Variants in AK2 observed in about 807,000 individuals in gnomAD.
AK2 encodes adenylate kinase 2, mitochondrial.
In AK2, 15 loss-of-function variants were observed where a neutral mutation model predicts 24.6. The observed-to-expected ratio is 0.61, with a 90% CI of 0.41 to 0.94. AK2 has a LOEUF of 0.94. Ranked by LOEUF, AK2 falls within the 40% of genes least tolerant of loss-of-function variation. AK2 has a pLI of 0.00. For missense variants in AK2, 257 were observed against 304.1 expected (o/e 0.85, Z 1.15); for synonymous variants, 102 against 114.0 (o/e 0.90, Z 0.67).
intron 4 of AK2, among the ~76,000 whole-genome samples, chr1:33,016,120 C>A (rs896783429): frequency 6.6e-6 from 1 of 152,132 alleles, no homozygotes; most frequent in African/African-American, 2.4e-5. Flanking sequence ...GGAGCCCCCT[C>A]TGTGGATACC....
At position 33,010,908 on chromosome 1, in the gene AK2, G is replaced by C. The variant is rs1638783533; in HGVS notation, c.*2273C>G. ...AGTACATATCAGAGGAGGCTGGCAT[G>C]TAAGCCCCAGCAACCAAATGCATTA... is the stretch of plus-strand genomic sequence containing the variant. On this transcript the variant is annotated 3_prime_UTR_variant, in exon 6 of 6. Transcript: ENST00000672715. 2 of 1,605,746 alleles carry C rather than the reference G, an allele frequency of 1.2e-6. No individual in the cohort carries two copies. Among genetic ancestry groups the C allele is most frequent in the Non-Finnish European group, 1.7e-6 (2 of 1,176,000 alleles).
chr1:33,017,479 AT>A (rs1216388499), intron 4 of AK2, among the ~76,000 whole-genome samples: 3 of 152,130 alleles, frequency 2.0e-5, no homozygotes, highest in Non-Finnish European at 4.4e-5. Flanking sequence ...GGACCAGGAT[AT>A]TTTTTTACCT....
At chr1:33,023,913 G>A (rs145354090) in intron 2 of AK2, among the ~76,000 whole-genome samples, 2,170 of 152,312 alleles carry the variant, frequency 0.014, 63 homozygotes, top group African/African-American at 0.048. Context: ...GCTCACGCCT[G>A]TAATCCCAGC....
chr1:33,016,630 T>G (rs1295137360), intron 4 of AK2, among the ~76,000 whole-genome samples: 1 of 152,078 alleles, frequency 6.6e-6, no homozygotes, highest in South Asian at 2.1e-4. Context: ...CCCGCCTCAG[T>G]CTCTGGAGTA....
rs1044535145 is a variant in AK2 at position 33,011,306 on chromosome 1, G to A, written c.*1875C>T. ...CAGGCACACATAGCTGACAGTTTTT[G>A]TTTCACTCCTCTTCCTTGCCCATTC... is the stretch of plus-strand genomic sequence containing the variant. On this transcript the variant is annotated 3_prime_UTR_variant, in exon 6 of 6. Coordinates refer to ENST00000672715, the MANE Select transcript of AK2 (RefSeq NM_001625.4). 1.6e-6 allele frequency: 2 copies of A among 1,289,972 alleles called. No individual in the cohort carries two copies. Among genetic ancestry groups the A allele is most frequent in the African/African-American group, 3.0e-5 (2 of 65,928 alleles). 79.9% of individuals were successfully genotyped at this position (1,289,972 alleles called of 1,614,324 possible). A position where few individuals can be genotyped will look rare whatever the true frequency, so the allele number is the denominator to read the frequency against.
At chr1:33,023,374 G>A (rs1430140591) in intron 2 of AK2, among the ~76,000 whole-genome samples, 1 of 151,804 alleles carries the variant, frequency 6.6e-6, no homozygotes, top group East Asian at 1.9e-4. Context: ...CAAAACCAGT[G>A]TGGGCAACAC....
At position 33,036,778 on chromosome 1, in the gene AK2, C is replaced by G; in HGVS notation, c.51G>C (p.Arg17=). 1 of 1,599,996 alleles carries G rather than the reference C, an allele frequency of 6.3e-7. No individual in the cohort carries two copies. Among genetic ancestry groups the G allele is most frequent in the Non-Finnish European group, 8.5e-7 (1 of 1,173,798 alleles). The change falls in exon 1 of 6, where the codon CGG becomes CGC. Residue 17 remains arginine (R), a synonymous_variant. Coordinates refer to ENST00000672715, the MANE Select transcript of AK2 (RefSeq NM_001625.4). ...CCCCGGGAGGCCCCAGCAGCACGGC[C>G]CGGATGCCTTTAGGATACTCGGGTT... The part of the protein sequence containing the change: ...AAEPEYPKGI[R]AVLLGPPGAG...
intron 1 of AK2, among the ~76,000 whole-genome samples, chr1:33,035,943 A>C (rs939989642): frequency 2.6e-5 from 4 of 152,226 alleles, no homozygotes; most frequent in African/African-American, 9.7e-5. Context: ...AAGGGAAGGA[A>C]GATACAAACA....
Position 33,012,804 on chromosome 1 carries a change from G to T in AK2, c.*377C>A. On this transcript the variant is annotated 3_prime_UTR_variant, in exon 6 of 6. Coordinates refer to ENST00000672715, the MANE Select transcript of AK2 (RefSeq NM_001625.4). Reference sequence around the variant, plus strand: ...CCCAGCTGCTCAGGAGGCTGAGGTGGGATAATTGCTTGAGCCCCAGGAGGC... The same window carrying T: ...CCCAGCTGCTCAGGAGGCTGAGGTGTGATAATTGCTTGAGCCCCAGGAGGC... 1 of 1,060,540 alleles carries T rather than the reference G, an allele frequency of 9.4e-7. No individual in the cohort carries two copies. Among genetic ancestry groups the T allele is most frequent in the Non-Finnish European group, 1.3e-6 (1 of 780,636 alleles). The allele number at this position is 1,060,540 out of a possible 1,614,324, so 65.7% of individuals were successfully genotyped here.
At position 33,028,841 on chromosome 1, in the gene AK2, C is replaced by T. The variant is rs116229427; in HGVS notation, c.94-4274G>A. ...TCATCTAGGGCATTTCCTAGGCCCA[C>T]CTTTAAAGTTTATGATTGAGTGGCT... On this transcript the variant is annotated intron_variant, in intron 1 of 5. Transcript: ENST00000672715. Among the ~76,000 whole-genome samples the T allele has an allele frequency of 1.2e-3, 179 of 152,256 alleles. 2 individuals carry two copies. Among genetic ancestry groups the T allele is most frequent in the African/African-American group, 4.1e-3 (170 of 41,536 alleles).
chr1:33,011,608 G>T lies in AK2; in HGVS notation c.*1573C>A. The T allele has an allele frequency of 7.8e-7, 1 of 1,288,912 alleles. No individual in the cohort carries two copies. The allele number at this position is 1,288,912 out of a possible 1,614,324, so 79.8% of individuals were successfully genotyped here. A position where few individuals can be genotyped will look rare whatever the true frequency, so the allele number is the denominator to read the frequency against. On this transcript the variant is annotated 3_prime_UTR_variant, in exon 6 of 6. Transcript: ENST00000672715. ...CTGAATCGAGTCAGCAGCAGATTATGCTGAGGCTGGCGATATTATTTACTG... is the reference window on the plus strand; with the variant it reads ...CTGAATCGAGTCAGCAGCAGATTATTCTGAGGCTGGCGATATTATTTACTG...
rs1292995864 is a variant in AK2 at position 33,008,623 on chromosome 1, C to A, written c.*4558G>T. ...TAAGTGTTAGAGACTGTGTTTCAGT[C>A]CTGACTGCCTCTTATGCATGACCTC... On this transcript the variant is annotated 3_prime_UTR_variant, in exon 6 of 6. Coordinates refer to ENST00000672715, the MANE Select transcript of AK2 (RefSeq NM_001625.4). The A allele has an allele frequency of 1.1e-5, 5 of 453,974 alleles. No homozygotes were observed. Among genetic ancestry groups the A allele is most frequent in the Non-Finnish European group, 1.8e-5 (4 of 226,784 alleles). 28.1% of individuals were successfully genotyped at this position (453,974 alleles called of 1,614,324 possible).
chr1:33,026,063 A>G (rs1639858789), intron 1 of AK2, among the ~76,000 whole-genome samples: 1 of 152,370 alleles, frequency 6.6e-6, no homozygotes, highest in African/African-American at 2.4e-5. Context: ...TGGGAAAAAA[A>G]GAATGCAGAA....
At chr1:33,016,400 A>G (rs1437037668) in intron 4 of AK2, among the ~76,000 whole-genome samples, 2 of 151,932 alleles carry the variant, frequency 1.3e-5, no homozygotes, top group Non-Finnish European at 2.9e-5. Flanking sequence ...TTTAGTAGAA[A>G]CGGGGTTTCA....
intron 1 of AK2, among the ~76,000 whole-genome samples, chr1:33,028,734 T>C (rs996896296): frequency 3.3e-5 from 5 of 152,134 alleles, no homozygotes; most frequent in African/African-American, 1.2e-4. Context: ...TGGAGGACTC[T>C]GGGGTAATTA....
At position 33,014,544 on chromosome 1, in the gene AK2, G is replaced by A. The variant is rs745638583; in HGVS notation, c.476C>T (p.Pro159Leu). Residue 159 changes from proline to leucine, a missense_variant, in exon 5 of 6, where the codon CCA becomes CTA. By Grantham distance (98) the Pro-to-Leu change is moderately conservative (BLOSUM62 -3). Transcript: ENST00000672715. ...GRSYHEEFNP[P>L]KEPMKDDITG... The stretch of plus-strand genomic sequence containing the variant: ...TACGTCATCTTTCATGGGCTCTTTT[G>A]GAGGGTTGAACTCCTCGTGGTAGGA... 12 of 1,612,554 alleles carry A rather than the reference G, an allele frequency of 7.4e-6. No homozygotes were observed.
intron 1 of AK2, among the ~76,000 whole-genome samples, chr1:33,026,683 C>G (rs936653910): frequency 9.9e-5 from 15 of 151,938 alleles, no homozygotes; most frequent in Admixed American, 9.8e-4. Context: ...TGGCGCATGC[C>G]TGTAGTCCCA....
chr1:33,015,200 A>G (rs1639104586), intron 4 of AK2, among the ~76,000 whole-genome samples: 1 of 152,264 alleles, frequency 6.6e-6, no homozygotes, highest in Non-Finnish European at 1.5e-5. Context: ...AATGGAACAC[A>G]TCTTTTCAAT....
At chr1:33,014,099 A>G (rs982802056) in intron 5 of AK2, among the ~76,000 whole-genome samples, 3 of 152,246 alleles carry the variant, frequency 2.0e-5, no homozygotes, top group Admixed American at 1.3e-4. Flanking sequence ...GACACAGTAC[A>G]GCAGCAATAA....
Sources: allele counts gnomAD v4.1 joint callset (sites outside exome capture counted in the v4.1 genomes callset), GRCh38; gene constraint gnomAD v4.1.1; transcripts MANE v1.5; gene names NCBI Gene and HGNC (gene_info 2026-07-23, HGNC 2026-07-21).